Variants in MCTP1 observed in about 807,000 individuals in gnomAD.
MCTP1 encodes the protein multiple C2 and transmembrane domain-containing protein 1.
MCTP1 carries 69 observed loss-of-function variants against 120.6 expected under a neutral mutation model. The observed-to-expected ratio is 0.57, with a 90% CI of 0.47 to 0.70. MCTP1 has a LOEUF of 0.70. MCTP1 is among the 30% of genes least tolerant of loss of function. The pLI, the probability that MCTP1 is intolerant of heterozygous loss-of-function variation, is 0.00. For missense variants in MCTP1, 1,203 were observed against 1,248.8 expected (o/e 0.96, Z 0.55); for synonymous variants, 529 against 493.1 (o/e 1.07, Z -0.96).
chr5:94,789,005 G>A (rs1269586521), intron 18 of MCTP1: 1 of 152,138 alleles, frequency 6.6e-6, no homozygotes, highest in Admixed American at 6.6e-5. Context: ...GACTCTCTGG[G>A]GCTCCAGGGT....
At chr5:95,096,452 G>T (rs925605910) in intron 1 of MCTP1, among the ~76,000 whole-genome samples, 4 of 152,118 alleles carry the variant, frequency 2.6e-5, no homozygotes, top group Non-Finnish European at 5.9e-5. Context: ...CTCTAAGGAA[G>T]AGTGATTATA....
At chr5:95,005,472 C>T (rs1196343607) in intron 2 of MCTP1, among the ~76,000 whole-genome samples, 1 of 152,056 alleles carries the variant, frequency 6.6e-6, no homozygotes, top group Non-Finnish European at 1.5e-5. Flanking sequence ...TGTCCCCACC[C>T]CAATCTCATG....
chr5:94,732,702 C>T (rs1173871281), intron 19 of MCTP1, among the ~76,000 whole-genome samples: 1 of 152,082 alleles, frequency 6.6e-6, no homozygotes, highest in African/African-American at 2.4e-5. Context: ...AAAACAAACC[C>T]TAGAGAGTTC....
intron 19 of MCTP1, among the ~76,000 whole-genome samples, chr5:94,770,530 G>C (rs114151147): frequency 3.9e-4 from 60 of 152,282 alleles, no homozygotes; most frequent in Middle Eastern, 6.8e-3. Flanking sequence ...TTCTTACCAA[G>C]TTAGCTATGT....
chr5:95,229,163 T>C (rs1754634191), intron 1 of MCTP1, among the ~76,000 whole-genome samples: 1 of 152,154 alleles, frequency 6.6e-6, no homozygotes, highest in Non-Finnish European at 1.5e-5. Flanking sequence ...TGGCAAGAGA[T>C]ATTTACAAGG....
chr5:95,099,715 C>T (rs1322956373), intron 1 of MCTP1, among the ~76,000 whole-genome samples: 3 of 151,570 alleles, frequency 2.0e-5, no homozygotes, highest in East Asian at 1.9e-4. Flanking sequence ...GTCAGTGCGG[C>T]GATTCCTCAG....
intron 17 of MCTP1, among the ~76,000 whole-genome samples, chr5:94,828,435 G>A (rs1336675228): frequency 1.3e-5 from 2 of 152,190 alleles, no homozygotes; most frequent in African/African-American, 4.8e-5. Context: ...GGGGGTCAAG[G>A]ACCCACTTAA....
chr5:95,215,465 T>C (rs10069998), intron 1 of MCTP1, among the ~76,000 whole-genome samples: 29,890 of 152,166 alleles, frequency 0.2, 3,121 homozygotes, highest in Non-Finnish European at 0.23. Context: ...AATAATCAGC[T>C]GTCTGGCAGA....
Position 95,001,100 on chromosome 5 carries a change from G to T in MCTP1, c.838+16267C>A, listed in dbSNP as rs1833593773. Reference sequence around the variant, plus strand: ...ATATGCATCTGGCATTTCTCCTGCTGGCACTCATTTTCTCTCCTGCCACCC... The same window carrying T: ...ATATGCATCTGGCATTTCTCCTGCTTGCACTCATTTTCTCTCCTGCCACCC... On this transcript the variant is annotated intron_variant, in intron 2 of 22. Coordinates refer to ENST00000515393, the MANE Select transcript of MCTP1 (RefSeq NM_024717.7). Among the ~76,000 whole-genome samples the T allele has an allele frequency of 2.6e-5, 4 of 152,180 alleles. No homozygotes were observed. In the South Asian group the frequency reaches 8.3e-4, roughly 31 times the overall value.
At chr5:95,161,018 T>A (rs914382707) in intron 1 of MCTP1, among the ~76,000 whole-genome samples, 12 of 152,194 alleles carry the variant, frequency 7.9e-5, no homozygotes, top group African/African-American at 2.9e-4. Context: ...ACAGCCATTA[T>A]GGAAAACAGT....
chr5:95,205,180 A>G (rs1485936470), intron 1 of MCTP1, among the ~76,000 whole-genome samples: 1 of 152,196 alleles, frequency 6.6e-6, no homozygotes, highest in Non-Finnish European at 1.5e-5. Flanking sequence ...GTCCATGAGT[A>G]AAGCCTAACA....
chr5:94,895,627 G>A (rs1386723505), intron 10 of MCTP1, among the ~76,000 whole-genome samples: 1 of 152,198 alleles, frequency 6.6e-6, no homozygotes, highest in Non-Finnish European at 1.5e-5. Context: ...AATAAATGTG[G>A]TAACCTACCA....
At chr5:95,024,881 A>C (rs1264324551) in intron 1 of MCTP1, among the ~76,000 whole-genome samples, 2 of 152,202 alleles carry the variant, frequency 1.3e-5, no homozygotes, top group Admixed American at 6.5e-5. Context: ...AGATCTGTGT[A>C]TTAAAAACTA....
rs2152354925 is a variant in MCTP1, at chr5:95,096,959, G to A, written c.721-79475C>T. Among the ~76,000 whole-genome samples the A allele has an allele frequency of 3.3e-5, 5 of 152,234 alleles. No homozygotes were observed. The South Asian group carries it at 1.0e-3, about 32-fold the overall frequency. On this transcript the variant is annotated intron_variant, in intron 1 of 22. Coordinates refer to ENST00000515393, the MANE Select transcript of MCTP1 (RefSeq NM_024717.7). ...ACACAATTTTGTGTGATTCCATTAT[G>A]TCTTTGCATTTTCATGATGTTTAAA... is the stretch of plus-strand genomic sequence containing the variant.
chr5:94,866,546 CTTT>C (rs5869653), intron 17 of MCTP1, among the ~76,000 whole-genome samples: 18 of 129,896 alleles, frequency 1.4e-4, no homozygotes, highest in Non-Finnish European at 1.8e-4. Context: ...CTGATTCCCT[CTTT>C]TTTTTTTTTT....
intron 2 of MCTP1, among the ~76,000 whole-genome samples, chr5:95,016,997 G>A (rs1399903370): frequency 6.6e-6 from 1 of 152,114 alleles, no homozygotes. Flanking sequence ...ATTCAACTGA[G>A]CAAATGTATA....
intron 1 of MCTP1, among the ~76,000 whole-genome samples, chr5:95,170,206 T>C (rs1201363951): frequency 6.6e-6 from 1 of 152,230 alleles, no homozygotes; most frequent in African/African-American, 2.4e-5. Context: ...TCAGTTTCCA[T>C]GTAGTTGAGT....
chr5:94,806,280 GA>G (rs892123589), intron 17 of MCTP1, among the ~76,000 whole-genome samples: 79 of 149,124 alleles, frequency 5.3e-4, no homozygotes, highest in African/African-American at 1.7e-3. Flanking sequence ...CATTTTTACA[GA>G]AAAAAAAAGT....
intron 1 of MCTP1, among the ~76,000 whole-genome samples, chr5:95,140,812 G>A (rs563609861): frequency 2.8e-5 from 4 of 145,106 alleles, no homozygotes; most frequent in South Asian, 2.2e-4. Context: ...CCCAGGAGGC[G>A]GAGCTTGCAG....
Sources: allele counts gnomAD v4.1 joint callset (sites outside exome capture counted in the v4.1 genomes callset), GRCh38; gene constraint gnomAD v4.1.1; transcripts MANE v1.5; gene names NCBI Gene and HGNC (gene_info 2026-07-23, HGNC 2026-07-21).